The following ADGRL4 variants were observed in gnomAD, a reference collection of about 807,000 sequenced individuals.
ADGRL4 encodes the protein EGF, latrophilin and seven transmembrane domain containing 1.
A neutral mutation model predicts 74.8 loss-of-function variants in ADGRL4; 90 were observed. That is an observed-to-expected ratio of 1.20 (90% confidence interval 1.02 to 1.43). ADGRL4 has a LOEUF of 1.43. Ranked by LOEUF, ADGRL4 falls within the 40% of genes most tolerant of loss-of-function variation. The probability of loss-of-function intolerance (pLI) is 0.00; values close to 1 mark genes in which losing one functional copy is unlikely to be tolerated. For synonymous variants in ADGRL4, 311 were observed against 279.2 expected, an observed-to-expected ratio of 1.11 and a Z score of -1.14; for missense variants, 881 against 814.3, an observed-to-expected ratio of 1.08 and a Z score of -1.00.
Position 78,927,101 on chromosome 1 carries a change from A to C in ADGRL4, c.878-10T>G, listed in dbSNP as rs1649133682. On this transcript the variant is annotated splice_polypyrimidine_tract_variant and intron_variant, in intron 7 of 14. Coordinates refer to ENST00000370742, the MANE Select transcript of ADGRL4 (RefSeq NM_022159.4). The stretch of plus-strand genomic sequence containing the variant: ...GCAACTGCAACATTGCCTATCAATC[A>C]AATAAGTATATTTAGTGAAATTCTT... 6.6e-7 allele frequency: 1 copy of C among 1,510,344 alleles called. No homozygotes were observed. Among genetic ancestry groups the C allele is most frequent in the Non-Finnish European group, 9.2e-7 (1 of 1,089,954 alleles). 93.6% of individuals were successfully genotyped at this position (1,510,344 alleles called of 1,614,324 possible).
chr1:78,914,140 C>G (rs989379487), intron 12 of ADGRL4, among the ~76,000 whole-genome samples: 1 of 151,802 alleles, frequency 6.6e-6, no homozygotes, highest in Non-Finnish European at 1.5e-5. Context: ...TTCACACTTG[C>G]AATCCTCTGC....
Position 78,953,206 on chromosome 1 carries a change from C to T in ADGRL4, c.173-6780G>A, listed in dbSNP as rs983527695. 2.0e-5 allele frequency among the ~76,000 whole-genome samples: 3 copies of T among 152,062 alleles called. No individual in the cohort carries two copies. The East Asian group carries it at 5.8e-4, about 29-fold the overall frequency. On this transcript the variant is annotated intron_variant, in intron 2 of 14. Transcript: ENST00000370742. ...CATTTTTTTCAAACTATCAAAGACT[C>T]TAAAACTTTGTCATTCCATTGTATC...
intron 12 of ADGRL4, among the ~76,000 whole-genome samples, chr1:78,917,046 T>C (rs1304681572): frequency 4.6e-5 from 7 of 151,890 alleles, no homozygotes; most frequent in Admixed American, 4.6e-4. Context: ...TCTCAATATA[T>C]GACTTGTCTG....
Position 78,936,415 on chromosome 1 carries a change from A to G in ADGRL4, c.761-4T>C. On this transcript the variant is annotated splice_polypyrimidine_tract_variant and splice_region_variant and intron_variant, in intron 6 of 14. Transcript: ENST00000370742. ...TCAAAAAAGAAAACTTTGAGAGCTG[A>G]AACAAAACCATGAAAATAAAAAAAG... 6.4e-7 allele frequency: 1 copy of G among 1,564,244 alleles called. No individual in the cohort carries two copies.
Position 78,937,925 on chromosome 1 carries a change from A to C in ADGRL4, c.642T>G (p.Ser214=). ...TAAGATGTGTTCTCCTATGATTCAC[A>C]GATAACTTGTCCCAAACTACAAATG... ...RDTFVVWDKL[S]VNHRRTHLTK... Residue 214 remains serine, a synonymous_variant, in exon 6 of 15, where the codon TCT becomes TCG. Transcript: ENST00000370742. 5 of 1,614,016 alleles carry C rather than the reference A, an allele frequency of 3.1e-6. No individual in the cohort carries two copies. The highest frequency in any genetic ancestry group is 4.2e-6 in the Non-Finnish European group (5 of 1,179,926).
intron 12 of ADGRL4, among the ~76,000 whole-genome samples, chr1:78,899,684 T>C (rs116118310): frequency 1.6e-3 from 251 of 152,240 alleles, no homozygotes; most frequent in African/African-American, 5.9e-3. Context: ...AGCATCAGAA[T>C]TTTAAATTGT....
At chr1:78,968,509 GGT>G (rs1650102544) in intron 2 of ADGRL4, among the ~76,000 whole-genome samples, 4 of 123,626 alleles carry the variant, frequency 3.2e-5, no homozygotes, top group Admixed American at 1.6e-4. Flanking sequence ...GCGGTGGGGG[GGT>G]GGGGGGGAGA....
chr1:78,932,874 G>A (rs1649276023), intron 7 of ADGRL4, among the ~76,000 whole-genome samples: 2 of 151,364 alleles, frequency 1.3e-5, no homozygotes, highest in Admixed American at 6.6e-5. Context: ...ACTAAACCAA[G>A]AAAAAGTCGA....
In ADGRL4 at chr1:78,936,095, G is replaced by C. The variant is rs1299244256; in HGVS notation, c.877+200C>G. Among the ~76,000 whole-genome samples, 2 of 18,888 alleles carry C rather than the reference G, an allele frequency of 1.1e-4. 1 individual carries two copies. The highest frequency in any genetic ancestry group is 2.5e-4 in the Non-Finnish European group (2 of 7,908). The allele number at this position is 18,888 out of a possible 152,430, so 12.4% of individuals were successfully genotyped here. A position where few individuals can be genotyped will look rare whatever the true frequency, so the allele number is the denominator to read the frequency against. On this transcript the variant is annotated intron_variant, in intron 7 of 14. Coordinates refer to ENST00000370742, the MANE Select transcript of ADGRL4 (RefSeq NM_022159.4). Reference sequence around the variant, plus strand: ...GCCGAGATTGCGCCACTGCACTCCCGCCTGGGCCACAGAGCGAGACTCCGT... The same window carrying C: ...GCCGAGATTGCGCCACTGCACTCCCCCCTGGGCCACAGAGCGAGACTCCGT...
At chr1:78,901,161 A>C (rs1648510428) in intron 12 of ADGRL4, among the ~76,000 whole-genome samples, 1 of 152,168 alleles carries the variant, frequency 6.6e-6, no homozygotes, top group African/African-American at 2.4e-5. Flanking sequence ...GCATATTTAC[A>C]CTTAAAAATT....
chr1:78,985,699 A>C (rs1650479910), intron 2 of ADGRL4, among the ~76,000 whole-genome samples: 1 of 151,814 alleles, frequency 6.6e-6, no homozygotes, highest in South Asian at 2.1e-4. Flanking sequence ...TATATAAGAC[A>C]TGTGAAAGAC....
rs532280874 is a variant in ADGRL4 at position 78,911,447 on chromosome 1, C to A, written c.1749+6187G>T. Among the ~76,000 whole-genome samples the A allele has an allele frequency of 9.2e-5, 14 of 151,784 alleles. No individual in the cohort carries two copies. In the East Asian group the frequency reaches 2.1e-3, roughly 23 times the overall value. ...ATTCTGTTAAGTTTCTATTGGTTTT[C>A]TTTGCAATATTTCATGTTTACTTTG... On this transcript the variant is annotated intron_variant, in intron 12 of 14. Transcript: ENST00000370742.
intron 12 of ADGRL4, among the ~76,000 whole-genome samples, chr1:78,910,660 T>A (rs571344810): frequency 8.6e-5 from 13 of 151,906 alleles, no homozygotes; most frequent in South Asian, 2.1e-4. Flanking sequence ...GTTTAAAGAA[T>A]TGAGCATTGA....
At chr1:78,944,436 G>A (rs538356128) in intron 3 of ADGRL4, among the ~76,000 whole-genome samples, 107 of 152,274 alleles carry the variant, frequency 7.0e-4, no homozygotes, top group Non-Finnish European at 1.4e-3. Context: ...AAACAGTGAA[G>A]TACTGTAAGT....
At chr1:78,941,922 C>G (rs567792108) in intron 3 of ADGRL4, among the ~76,000 whole-genome samples, 1 of 151,910 alleles carries the variant, frequency 6.6e-6, no homozygotes, top group Non-Finnish European at 1.5e-5. Context: ...CTTCTAGGCC[C>G]GGCGCAGTGG....
intron 2 of ADGRL4, among the ~76,000 whole-genome samples, chr1:78,952,430 C>T (rs1449054752): frequency 6.9e-6 from 1 of 145,902 alleles, no homozygotes; most frequent in African/African-American, 2.5e-5. Flanking sequence ...CTATAAGGAA[C>T]TTTAAAAGAT....
rs367751734 is a variant in ADGRL4 at position 78,891,614 on chromosome 1, G to A, written c.1920C>T (p.His640=). The A allele has an allele frequency of 2.7e-5, 44 of 1,613,270 alleles. No individual in the cohort carries two copies. The highest frequency in any genetic ancestry group is 3.3e-5 in the Non-Finnish European group (39 of 1,179,654). The change falls in exon 14 of 15, where the codon CAC becomes CAT. Residue 640 remains histidine (H), a synonymous_variant. Transcript: ENST00000370742. ...TWIFGVLHVV[H]ASVVTAYLFT... ...AGAGGTAAGCTGTAACCACTGATGC[G>A]TGCACAACATGGAGAACCCCAAAGA...
At chr1:78,961,984 G>A (rs937454146) in intron 2 of ADGRL4, among the ~76,000 whole-genome samples, 1 of 151,390 alleles carries the variant, frequency 6.6e-6, no homozygotes, top group Admixed American at 6.6e-5. Context: ...AGGTTCAAAC[G>A]ATTCTCCTGC....
chr1:78,908,649 T>C (rs1469062317), intron 12 of ADGRL4, among the ~76,000 whole-genome samples: 1 of 152,010 alleles, frequency 6.6e-6, no homozygotes, highest in Non-Finnish European at 1.5e-5. Flanking sequence ...AATGACTATC[T>C]TGCTTTACCA....
Sources: allele counts gnomAD v4.1 joint callset (sites outside exome capture counted in the v4.1 genomes callset), GRCh38; gene constraint gnomAD v4.1.1; transcripts MANE v1.5; gene names NCBI Gene and HGNC (gene_info 2026-07-23, HGNC 2026-07-21).